Variants in ZNF420 observed in about 807,000 individuals in gnomAD.
The protein encoded by ZNF420 is ATM and p53-associated KZNF protein.
A neutral mutation model predicts 44.7 loss-of-function variants in ZNF420; 31 were observed. The ratio of observed to expected loss-of-function variants is 0.69; its 90% CI spans 0.52 to 0.94. The LOEUF (loss-of-function observed/expected upper bound fraction) is 0.94, where lower values mean the gene tolerates loss of function less well. Among genes scored for constraint, ZNF420 ranks in the 40% least tolerant of loss-of-function variants. ZNF420 has a pLI of 0.00. For synonymous variants in ZNF420, 245 were observed against 267.4 expected, an observed-to-expected ratio of 0.92 and a Z score of 0.82; for missense variants, 681 against 827.9, an observed-to-expected ratio of 0.82 and a Z score of 2.18.
intron 4 of ZNF420, chr19:37,111,824 C>T (rs1255625793): frequency 6.6e-6 from 1 of 152,096 alleles, no homozygotes; most frequent in East Asian, 1.9e-4. Flanking sequence ...AAAAGCAATC[C>T]TTCAGATCAA....
chr19:37,075,819 G>A (rs775726013), upstream of ZNF420, among the ~76,000 whole-genome samples: 2 of 152,076 alleles, frequency 1.3e-5, no homozygotes, highest in Non-Finnish European at 2.9e-5. Flanking sequence ...TAATGCTTAA[G>A]TTCCCTTTGA....
exon 1 of ZNF420, chr19:37,007,996 G>A (rs2074541350): frequency 5.3e-6 from 1 of 189,878 alleles, no homozygotes; most frequent in South Asian, 8.5e-5. Flanking sequence ...GAGTCGCAGA[G>A]GGCAGAGCAG....
intron 1 of ZNF420, among the ~76,000 whole-genome samples, chr19:37,037,999 G>C (rs923877401): frequency 6.6e-6 from 1 of 152,110 alleles, no homozygotes; most frequent in Non-Finnish European, 1.5e-5. Context: ...AGTGAGAAGT[G>C]GGGAGAGTGA....
intron 1 of ZNF420, among the ~76,000 whole-genome samples, chr19:37,072,202 G>C (rs895609138): frequency 6.6e-6 from 1 of 151,970 alleles, no homozygotes; most frequent in Non-Finnish European, 1.5e-5. Flanking sequence ...AAATTATAAT[G>C]GGCTTAAAAA....
chr19:37,096,497 G>A (rs1242390062), intron 4 of ZNF420, among the ~76,000 whole-genome samples: 2 of 152,006 alleles, frequency 1.3e-5, no homozygotes, highest in Non-Finnish European at 2.9e-5. Context: ...TGAACTTTAT[G>A]TCTTGAATAT....
chr19:37,008,605 CA>C (rs1469315176), intron 1 of ZNF420, among the ~76,000 whole-genome samples: 1 of 152,188 alleles, frequency 6.6e-6, no homozygotes, highest in African/African-American at 2.4e-5. Context: ...TCTTCTCTGA[CA>C]AATGAAGCCA....
chr19:37,129,815 A>G lies in ZNF420; in HGVS notation c.*757A>G. 2 of 456,252 alleles carry G rather than the reference A, an allele frequency of 4.4e-6. No homozygotes were observed. Among genetic ancestry groups the G allele is most frequent in the South Asian group, 3.5e-5 (1 of 28,252 alleles). The allele number at this position is 456,252 out of a possible 1,614,324, so 28.3% of individuals were successfully genotyped here. ...GCACAGCTGTTAGAGAAGTGGGACAAGGTGTGAAGTGATTTTTAACGAAGT... is the reference window on the plus strand; with the variant it reads ...GCACAGCTGTTAGAGAAGTGGGACAGGGTGTGAAGTGATTTTTAACGAAGT... On this transcript the variant is annotated 3_prime_UTR_variant, in exon 5 of 5. Coordinates refer to ENST00000337995, the MANE Select transcript of ZNF420 (RefSeq NM_144689.5).
chr19:37,124,961 C>T (rs939683369), intron 4 of ZNF420, among the ~76,000 whole-genome samples: 18 of 152,150 alleles, frequency 1.2e-4, no homozygotes, highest in Non-Finnish European at 2.4e-4. Flanking sequence ...CTTAGCCTCC[C>T]GAGTAGCTGG....
At chr19:37,114,355 G>A (rs567233588) in intron 4 of ZNF420, among the ~76,000 whole-genome samples, 24 of 152,252 alleles carry the variant, frequency 1.6e-4, no homozygotes, top group Admixed American at 1.2e-3. Context: ...GGTTACTGGC[G>A]GTTGGGTCTT....
intron 4 of ZNF420, among the ~76,000 whole-genome samples, chr19:37,100,333 A>G (rs1969697971): frequency 1.3e-5 from 2 of 152,202 alleles, no homozygotes; most frequent in South Asian, 2.1e-4. Flanking sequence ...TTTCATGCCA[A>G]TACCATACTG....
chr19:37,119,268 T>C (rs1237330573), intron 4 of ZNF420, among the ~76,000 whole-genome samples: 3 of 152,082 alleles, frequency 2.0e-5, no homozygotes, highest in African/African-American at 4.8e-5. Context: ...TATAACAAAC[T>C]GTCTCTCAGA....
chr19:37,058,222 C>A (rs961612568), intron 1 of ZNF420, among the ~76,000 whole-genome samples: 3 of 152,146 alleles, frequency 2.0e-5, no homozygotes, highest in African/African-American at 7.2e-5. Context: ...TTGATTCGGC[C>A]GGTTTGACTA....
At chr19:37,067,089 G>T (rs949337194) in intron 1 of ZNF420, among the ~76,000 whole-genome samples, 1 of 152,142 alleles carries the variant, frequency 6.6e-6, no homozygotes, top group African/African-American at 2.4e-5. Flanking sequence ...TTCTAGAAGA[G>T]ACAAAAATTA....
At chr19:37,050,391 T>C in intron 1 of ZNF420, among the ~76,000 whole-genome samples, 1 of 152,346 alleles carries the variant, frequency 6.6e-6, no homozygotes. Flanking sequence ...TTTTATTTCA[T>C]TGAGCAGTGG....
chr19:37,033,569 ATGTC>A (rs1478150642), intron 1 of ZNF420, among the ~76,000 whole-genome samples: 2 of 152,192 alleles, frequency 1.3e-5, no homozygotes, highest in Non-Finnish European at 2.9e-5. Context: ...ATTCCACTGT[ATGTC>A]TGTACCACAT....
intron 1 of ZNF420, among the ~76,000 whole-genome samples, chr19:37,058,689 G>T (rs888454056): frequency 7.3e-6 from 1 of 136,564 alleles, no homozygotes. Context: ...GAGGTCATCT[G>T]TGTCCCCCCG....
At chr19:37,096,641 CTG>C (rs1438733127) in intron 4 of ZNF420, among the ~76,000 whole-genome samples, 2 of 152,142 alleles carry the variant, frequency 1.3e-5, no homozygotes, top group African/African-American at 2.4e-5. Flanking sequence ...CCAAGGGTAA[CTG>C]TAACTTCAGA....
intron 1 of ZNF420, among the ~76,000 whole-genome samples, chr19:37,068,797 T>G (rs1968011549): frequency 6.6e-6 from 1 of 152,148 alleles, no homozygotes; most frequent in Non-Finnish European, 1.5e-5. Context: ...TGGAAAATAC[T>G]AATCAAATGA....
At chr19:37,095,137 A>C (rs957471762) in intron 4 of ZNF420, among the ~76,000 whole-genome samples, 11 of 152,046 alleles carry the variant, frequency 7.2e-5, no homozygotes, top group African/African-American at 2.7e-4. Flanking sequence ...CTCAAAAAAA[A>C]AAAAAAAAAA....
Sources: gnomAD v4.1 joint callset for allele counts (sites outside exome capture counted in the v4.1 genomes callset) on GRCh38, gnomAD v4.1.1 for gene constraint, MANE v1.5 for transcripts, NCBI Gene and HGNC (gene_info 2026-07-23, HGNC 2026-07-21) for gene names.